Variants in TOPAZ1 observed in about 807,000 individuals in gnomAD.
TOPAZ1 encodes the protein testis and ovary specific TOPAZ 1.
A neutral mutation model predicts 172.2 loss-of-function variants in TOPAZ1; 66 were observed. The ratio of observed to expected loss-of-function variants is 0.38; its 90% CI spans 0.31 to 0.47. The LOEUF (loss-of-function observed/expected upper bound fraction) is 0.47. Among genes scored for constraint, TOPAZ1 ranks in the 20% least tolerant of loss-of-function variants. TOPAZ1 has a pLI of 0.99. For missense variants in TOPAZ1, 1,822 were observed against 1,972.4 expected (o/e 0.92, Z 1.44); for synonymous variants, 681 against 683.9 (o/e 1.00, Z 0.07).
At chr3:44,253,357 G>A (rs1280596088) in intron 2 of TOPAZ1, among the ~76,000 whole-genome samples, 1 of 152,192 alleles carries the variant, frequency 6.6e-6, no homozygotes, top group Admixed American at 6.5e-5. Flanking sequence ...TGGTGTGGAG[G>A]ATAAACTGGC....
At position 44,244,170 on chromosome 3, in the gene TOPAZ1, C is replaced by T. The variant is rs1699528923; in HGVS notation, c.1664C>T (p.Thr555Ile). Residue 555 changes from threonine to isoleucine, a missense_variant, in exon 2 of 20, where the codon ACA becomes ATA. By Grantham distance (89) the Thr-to-Ile change is moderately conservative (BLOSUM62 -1). Around this residue, in one of 2 missense-constraint regions of TOPAZ1, gnomAD observed 1,489 missense variants for 1,490.8 expected, o/e 1.00. Transcript: ENST00000309765. ...KLLLQSSLTE[T>I]NTESSSKEKL... ...TTATTACAAAGTTCCTTAACAGAAACAAACACTGAATCTTCAAGTAAAGAA... is the reference window on the plus strand; with the variant it reads ...TTATTACAAAGTTCCTTAACAGAAATAAACACTGAATCTTCAAGTAAAGAA... The T allele has an allele frequency of 6.4e-7, 1 of 1,551,074 alleles. No homozygotes were observed. Among genetic ancestry groups the T allele is most frequent in the Non-Finnish European group, 8.7e-7 (1 of 1,146,656 alleles).
chr3:44,291,966 T>G (rs889711503), intron 12 of TOPAZ1, among the ~76,000 whole-genome samples: 1 of 152,206 alleles, frequency 6.6e-6, no homozygotes, highest in African/African-American at 2.4e-5. Flanking sequence ...ATTTATTAAC[T>G]AGTTAGGTCC....
At chr3:44,275,845 C>T (rs933733287) in intron 8 of TOPAZ1, among the ~76,000 whole-genome samples, 1 of 151,996 alleles carries the variant, frequency 6.6e-6, no homozygotes, top group African/African-American at 2.4e-5. Context: ...TTTTTCTCTG[C>T]ATCCTCACCA....
intron 19 of TOPAZ1, 50 bp from the exon 20 acceptor site, chr3:44,331,742 T>G: frequency 7.6e-7 from 1 of 1,324,494 alleles, no homozygotes; most frequent in Non-Finnish European, 1.1e-6. Context: ...TTGAAGAAAC[T>G]ATATAGCTTT....
intron 14 of TOPAZ1, among the ~76,000 whole-genome samples, chr3:44,305,711 TA>T (rs993367357): frequency 2.0e-5 from 3 of 152,008 alleles, no homozygotes; most frequent in Non-Finnish European, 4.4e-5. Flanking sequence ...AAAAAAAAAT[TA>T]AAAAAAGAAA....
intron 12 of TOPAZ1, among the ~76,000 whole-genome samples, chr3:44,300,497 A>G (rs773355360): frequency 6.6e-6 from 1 of 152,328 alleles, no homozygotes; most frequent in East Asian, 1.9e-4. Context: ...GCAGATGGCA[A>G]CTAAGCACAT....
intron 16 of TOPAZ1, among the ~76,000 whole-genome samples, chr3:44,319,028 G>A (rs758780413): frequency 6.6e-6 from 1 of 151,844 alleles, no homozygotes; most frequent in Non-Finnish European, 1.5e-5. Context: ...AGCACAGCTC[G>A]GCCCACAACC....
chr3:44,293,873 A>G (rs1700166698), intron 12 of TOPAZ1, among the ~76,000 whole-genome samples: 1 of 152,358 alleles, frequency 6.6e-6, no homozygotes, highest in South Asian at 2.1e-4. Flanking sequence ...AGTAGGCTGT[A>G]CCATCTAGGT....
intron 4 of TOPAZ1, among the ~76,000 whole-genome samples, chr3:44,260,379 C>T (rs1441589793): frequency 6.6e-6 from 1 of 152,134 alleles, no homozygotes; most frequent in African/African-American, 2.4e-5. Flanking sequence ...CGTTTAGGAG[C>T]TTTTCATCTT....
chr3:44,335,993 TTAAAA>T (rs1700720319), downstream of TOPAZ1, among the ~76,000 whole-genome samples: 2 of 152,214 alleles, frequency 1.3e-5, no homozygotes, highest in South Asian at 2.1e-4. Context: ...TCACTGGGAA[TTAAAA>T]TAAGACCCCA....
At position 44,307,962 on chromosome 3, in the gene TOPAZ1, CAA is replaced by C. The variant is rs1700353778; in HGVS notation, c.4140+1537_4140+1538del. 2.0e-5 allele frequency among the ~76,000 whole-genome samples: 3 copies of C among 152,020 alleles called. No individual in the cohort carries two copies. The South Asian group carries it at 6.2e-4, about 32-fold the overall frequency. ...GCTTGGGAATTTGAGGACTATCTAACAAGAAGATCCTTTATAAAAATTCAGAC... is the reference window on the plus strand; with the variant it reads ...GCTTGGGAATTTGAGGACTATCTAACGAAGATCCTTTATAAAAATTCAGAC... On this transcript the variant is annotated intron_variant, in intron 15 of 19. Coordinates refer to ENST00000309765, the MANE Select transcript of TOPAZ1 (RefSeq NM_001145030.2).
At chr3:44,259,376 C>A (rs1324697521) in intron 4 of TOPAZ1, among the ~76,000 whole-genome samples, 1 of 152,144 alleles carries the variant, frequency 6.6e-6, no homozygotes, top group East Asian at 1.9e-4. Context: ...TCTCAAAGTA[C>A]ACCCATTGTG....
At chr3:44,307,280 C>T (rs1700346855) in intron 15 of TOPAZ1, among the ~76,000 whole-genome samples, 1 of 152,146 alleles carries the variant, frequency 6.6e-6, no homozygotes, top group Non-Finnish European at 1.5e-5. Flanking sequence ...CCTCAGCCTC[C>T]CAAAGTGCTG....
At chr3:44,310,372 G>A (rs1034274119) in intron 16 of TOPAZ1, among the ~76,000 whole-genome samples, 24 of 151,998 alleles carry the variant, frequency 1.6e-4, no homozygotes, top group African/African-American at 1.7e-4. Flanking sequence ...GGTGGTGGCC[G>A]CTTGTAATCC....
At chr3:44,284,514 C>T (rs970701691) in intron 9 of TOPAZ1, among the ~76,000 whole-genome samples, 3 of 152,128 alleles carry the variant, frequency 2.0e-5, no homozygotes, top group African/African-American at 7.2e-5. Flanking sequence ...TTTATATATT[C>T]ATCTGTTGAT....
chr3:44,287,764 A>G lies in TOPAZ1; in HGVS notation c.3606A>G (p.Leu1202=). Residue 1202 remains leucine, a synonymous_variant, in exon 11 of 20, where the codon TTA becomes TTG. Coordinates refer to ENST00000309765, the MANE Select transcript of TOPAZ1 (RefSeq NM_001145030.2). The stretch of plus-strand genomic sequence containing the variant: ...TTATCCAGCCTTCTCTGAAAATATT[A>G]CTAAACATATTTGAGTATGTGGCAA... ...MVKMLPSLKI[L]LNIFEYVATM... 1 of 1,490,870 alleles carries G rather than the reference A, an allele frequency of 6.7e-7. No homozygotes were observed. 92.4% of individuals were successfully genotyped at this position (1,490,870 alleles called of 1,614,324 possible). A position where few individuals can be genotyped will look rare whatever the true frequency, so the allele number is the denominator to read the frequency against.
chr3:44,333,913 T>C (rs1414941221), downstream of TOPAZ1, among the ~76,000 whole-genome samples: 3 of 152,206 alleles, frequency 2.0e-5, no homozygotes, highest in African/African-American at 7.2e-5. Context: ...AGATTTTTCC[T>C]TAGGAGTATT....
chr3:44,242,452 C>T (rs780989319), intron 1 of TOPAZ1, 53 bp downstream of exon 1: 46 of 1,522,050 alleles, frequency 3.0e-5, no homozygotes, highest in Non-Finnish European at 4.0e-5. Context: ...TCAGCGTGCT[C>T]CATCTTTGTT....
chr3:44,275,690 A>T (rs1485522900), intron 8 of TOPAZ1, among the ~76,000 whole-genome samples: 1 of 151,372 alleles, frequency 6.6e-6, no homozygotes, highest in Non-Finnish European at 1.5e-5. Context: ...TAATTTACTA[A>T]TTTTTTTTTC....
Sources: allele counts gnomAD v4.1 joint callset (sites outside exome capture counted in the v4.1 genomes callset), GRCh38; gene constraint gnomAD v4.1.1; regional missense constraint gnomAD v4.1.1; transcripts MANE v1.5; gene names NCBI Gene and HGNC (gene_info 2026-07-23, HGNC 2026-07-21).